The following TRPC6 variants were observed in gnomAD, a reference collection of about 807,000 sequenced individuals.
The protein encoded by TRPC6 is transient receptor potential cation channel subfamily C member 6.
TRPC6 carries 55 observed loss-of-function variants against 90.7 expected under a neutral mutation model. The observed-to-expected ratio is 0.61, with a 90% confidence interval of 0.49 to 0.76. The LOEUF (loss-of-function observed/expected upper bound fraction) is 0.76. Among genes scored for constraint, TRPC6 ranks in the 30% least tolerant of loss-of-function variants. The probability of loss-of-function intolerance (pLI) is 0.00; values close to 1 mark genes in which losing one functional copy is unlikely to be tolerated. For synonymous variants in TRPC6, 393 were observed against 393.0 expected, an observed-to-expected ratio of 1.00 and a Z score of 0.00; for missense variants, 989 against 1,122.7, an observed-to-expected ratio of 0.88 and a Z score of 1.70.
intron 1 of TRPC6, among the ~76,000 whole-genome samples, chr11:101,565,679 A>G (rs983693117): frequency 6.6e-6 from 1 of 152,100 alleles, no homozygotes; most frequent in Admixed American, 6.5e-5. Flanking sequence ...TATATTAAGA[A>G]TAGCACCTTG....
intron 3 of TRPC6, among the ~76,000 whole-genome samples, chr11:101,490,097 G>A (rs954002236): frequency 2.6e-5 from 4 of 152,068 alleles, no homozygotes; most frequent in East Asian, 1.9e-4. Context: ...TTTTGTTTAC[G>A]AGTAAAAGTC....
chr11:101,462,060 T>C (rs945488279), intron 10 of TRPC6, among the ~76,000 whole-genome samples: 2 of 152,224 alleles, frequency 1.3e-5, no homozygotes, highest in African/African-American at 4.8e-5. Context: ...CCCATCACCA[T>C]TAAATAGGGA....
intron 10 of TRPC6, among the ~76,000 whole-genome samples, chr11:101,462,534 T>C (rs1388097048): frequency 6.6e-6 from 1 of 152,206 alleles, no homozygotes; most frequent in African/African-American, 2.4e-5. Flanking sequence ...ACATCCCTTG[T>C]AAGTTGCATT....
At chr11:101,455,988 A>T (rs1229478959) in intron 10 of TRPC6, among the ~76,000 whole-genome samples, 3 of 152,196 alleles carry the variant, frequency 2.0e-5, no homozygotes, top group Non-Finnish European at 2.9e-5. Flanking sequence ...GATAAGATTA[A>T]TAATAAACAA....
Position 101,453,653 on chromosome 11 carries a change from C to T in TRPC6, c.2641G>A (p.Glu881Lys). ...QIDKESDEVN[E>K]GELKEIKQDI... Reference sequence around the variant, plus strand: ...TTTGCTTCTGCGTTCAACTCACCTTCGTTCACTTCATCACTCTCCTTATCT... The same window carrying T: ...TTTGCTTCTGCGTTCAACTCACCTTTGTTCACTTCATCACTCTCCTTATCT... The change falls in exon 12 of 13, where the codon GAA becomes AAA. Residue 881 changes from glutamate (E) to lysine (K), a missense_variant. Physicochemically the swap from Glu to Lys is moderately conservative, Grantham distance 56. This residue lies in a region of TRPC6 where 191 missense variants were observed against 196.7 expected (regional missense o/e 0.97). Coordinates refer to ENST00000344327, the MANE Select transcript of TRPC6 (RefSeq NM_004621.6). 6.2e-7 allele frequency: 1 copy of T among 1,613,890 alleles called. No individual in the cohort carries two copies. The highest frequency in any genetic ancestry group is 2.2e-5 in the East Asian group (1 of 44,878).
intron 10 of TRPC6, among the ~76,000 whole-genome samples, chr11:101,455,769 C>T (rs1398209466): frequency 6.6e-6 from 1 of 152,160 alleles, no homozygotes; most frequent in Non-Finnish European, 1.5e-5. Context: ...AAAATCCTTG[C>T]ATTCACTTCA....
At chr11:101,487,617 G>C (rs944882400) in intron 4 of TRPC6, among the ~76,000 whole-genome samples, 43 of 142,722 alleles carry the variant, frequency 3.0e-4, no homozygotes, top group Non-Finnish European at 3.8e-4. Context: ...GGCAAAATCT[G>C]TCATTTTTAG....
intron 1 of TRPC6, among the ~76,000 whole-genome samples, chr11:101,557,017 G>A (rs1347978188): frequency 6.6e-6 from 1 of 152,152 alleles, no homozygotes; most frequent in East Asian, 1.9e-4. Context: ...ATTCTTTCAT[G>A]ATAAAAACTC....
intron 2 of TRPC6, among the ~76,000 whole-genome samples, chr11:101,495,729 G>T (rs547620718): frequency 6.6e-6 from 1 of 151,320 alleles, no homozygotes; most frequent in Non-Finnish European, 1.5e-5. Context: ...TGGAATTCCT[G>T]GATATTATCT....
At chr11:101,478,884 C>A (rs527236389) in intron 5 of TRPC6, among the ~76,000 whole-genome samples, 23 of 152,226 alleles carry the variant, frequency 1.5e-4, no homozygotes, top group African/African-American at 5.3e-4. Context: ...TTACAAAAAA[C>A]AACCAAAAAA....
intron 1 of TRPC6, among the ~76,000 whole-genome samples, chr11:101,577,853 G>GAGTAGT (rs1862105130): frequency 6.6e-6 from 1 of 152,172 alleles, no homozygotes; most frequent in African/African-American, 2.4e-5. Flanking sequence ...GCTAAAAGAA[G>GAGTAGT]AGTAGTATGC....
chr11:101,486,577 T>C (rs1340319603), intron 4 of TRPC6, among the ~76,000 whole-genome samples: 2 of 152,020 alleles, frequency 1.3e-5, no homozygotes, highest in African/African-American at 4.8e-5. Flanking sequence ...ACAAAAACAA[T>C]TGATATTTGG....
At chr11:101,557,510 G>A (rs1310510531) in intron 1 of TRPC6, among the ~76,000 whole-genome samples, 1 of 152,030 alleles carries the variant, frequency 6.6e-6, no homozygotes, top group Non-Finnish European at 1.5e-5. Flanking sequence ...GCTTACCAGA[G>A]CAATTAGGCA....
At chr11:101,541,094 T>C (rs1272018204) in intron 1 of TRPC6, among the ~76,000 whole-genome samples, 1 of 152,136 alleles carries the variant, frequency 6.6e-6, no homozygotes, top group Non-Finnish European at 1.5e-5. Context: ...TAATAGAAAA[T>C]GTATATTAAT....
At chr11:101,493,261 A>G in intron 2 of TRPC6, among the ~76,000 whole-genome samples, 1 of 152,162 alleles carries the variant, frequency 6.6e-6, no homozygotes, top group East Asian at 1.9e-4. Flanking sequence ...AACTTAAAAA[A>G]TTTTCACAAA....
intron 10 of TRPC6, among the ~76,000 whole-genome samples, chr11:101,463,042 C>T (rs1859044099): frequency 6.6e-6 from 1 of 152,100 alleles, no homozygotes; most frequent in Non-Finnish European, 1.5e-5. Context: ...TTGTTGAAGG[C>T]CTTTTCTGCA....
chr11:101,583,272 C>A (rs141180969), intron 1 of TRPC6, 62 bp downstream of exon 1: 12 of 1,523,520 alleles, frequency 7.9e-6, no homozygotes, highest in Non-Finnish European at 9.7e-6. Flanking sequence ...GCCACTCCTG[C>A]GAGCGCACAA....
chr11:101,551,519 A>G (rs1861449453), intron 1 of TRPC6, among the ~76,000 whole-genome samples: 1 of 151,908 alleles, frequency 6.6e-6, no homozygotes, highest in African/African-American at 2.4e-5. Flanking sequence ...TAGAAAAAAA[A>G]ACTTGATTCA....
intron 1 of TRPC6, among the ~76,000 whole-genome samples, chr11:101,519,183 T>G (rs1478607073): frequency 6.6e-6 from 1 of 152,136 alleles, no homozygotes; most frequent in Non-Finnish European, 1.5e-5. Flanking sequence ...AAAAATAATG[T>G]GAAGAATGTA....
Sources: gnomAD v4.1 joint callset for allele counts (sites outside exome capture counted in the v4.1 genomes callset) on GRCh38, gnomAD v4.1.1 for gene constraint, gnomAD v4.1.1 regional missense constraint, MANE v1.5 for transcripts, NCBI Gene and HGNC (gene_info 2026-07-23, HGNC 2026-07-21) for gene names.